The following CHCHD6 variants were observed in gnomAD, a reference collection of about 807,000 sequenced individuals.
The protein encoded by CHCHD6 is coiled-coil-helix-coiled-coil-helix domain containing 6, also known as MICOS complex subunit MIC25.
CHCHD6 carries 28 observed loss-of-function variants against 32.3 expected under a neutral mutation model. That is an observed-to-expected ratio of 0.87 (90% CI 0.64 to 1.19). The LOEUF (loss-of-function observed/expected upper bound fraction) is 1.19, where lower values mean the gene tolerates loss of function less well. Ranked by LOEUF, CHCHD6 falls within the 50% of genes most tolerant of loss-of-function variation. The pLI, the probability that CHCHD6 is intolerant of heterozygous loss-of-function variation, is 0.00. For synonymous variants in CHCHD6, 122 were observed against 117.5 expected, an observed-to-expected ratio of 1.04 and a Z score of -0.25; for missense variants, 333 against 307.0, an observed-to-expected ratio of 1.08 and a Z score of -0.63.
At chr3:126,869,570 C>T (rs2077438787) in intron 5 of CHCHD6, among the ~76,000 whole-genome samples, 1 of 151,926 alleles carries the variant, frequency 6.6e-6, no homozygotes, top group Non-Finnish European at 1.5e-5. Flanking sequence ...CTTTGTATTT[C>T]TTCTTTTGAG....
intron 4 of CHCHD6, among the ~76,000 whole-genome samples, chr3:126,769,113 A>C (rs562946999): frequency 1.2e-4 from 18 of 152,296 alleles, no homozygotes; most frequent in African/African-American, 4.1e-4. Flanking sequence ...ATATTTGCCA[A>C]GTCCTATGTT....
chr3:126,729,551 G>A (rs148080846), intron 2 of CHCHD6, among the ~76,000 whole-genome samples: 11 of 152,212 alleles, frequency 7.2e-5, no homozygotes, highest in African/African-American at 1.9e-4. Flanking sequence ...TAAGCATGGC[G>A]AGCACTAGTG....
At chr3:126,859,528 T>C (rs1165277267) in intron 5 of CHCHD6, among the ~76,000 whole-genome samples, 2 of 152,164 alleles carry the variant, frequency 1.3e-5, no homozygotes, top group Non-Finnish European at 2.9e-5. Context: ...GACAGGGAGT[T>C]CTGTGTCCTA....
intron 5 of CHCHD6, among the ~76,000 whole-genome samples, chr3:126,904,731 C>T (rs1227251543): frequency 1.3e-5 from 2 of 152,168 alleles, no homozygotes; most frequent in South Asian, 2.1e-4. Context: ...TGACATAGAG[C>T]GATCTTTTCT....
At chr3:126,868,772 A>G (rs2077425064) in intron 5 of CHCHD6, among the ~76,000 whole-genome samples, 1 of 152,238 alleles carries the variant, frequency 6.6e-6, no homozygotes. Context: ...AAGTTACTTT[A>G]GGCTTTTCCT....
intron 4 of CHCHD6, among the ~76,000 whole-genome samples, chr3:126,832,451 C>T (rs532697196): frequency 1.3e-5 from 2 of 152,248 alleles, no homozygotes; most frequent in South Asian, 4.2e-4. Flanking sequence ...CACTCAGTGC[C>T]AGTTATCCAG....
At chr3:126,755,570 T>A (rs947205918) in intron 4 of CHCHD6, among the ~76,000 whole-genome samples, 2 of 152,204 alleles carry the variant, frequency 1.3e-5, no homozygotes, top group Non-Finnish European at 2.9e-5. Flanking sequence ...GCTCTCTTTT[T>A]GGCAGCCCGA....
chr3:126,935,972 G>GT (rs1455384749), intron 6 of CHCHD6, among the ~76,000 whole-genome samples: 2 of 152,234 alleles, frequency 1.3e-5, no homozygotes, highest in African/African-American at 4.8e-5. Flanking sequence ...GAAGTTGCTG[G>GT]TTCATGGCCC....
At chr3:126,817,658 C>T (rs1014649245) in intron 4 of CHCHD6, among the ~76,000 whole-genome samples, 23 of 152,226 alleles carry the variant, frequency 1.5e-4, no homozygotes, top group African/African-American at 4.8e-4. Flanking sequence ...TCTCCCTCTG[C>T]TGAACCTGAT....
intron 4 of CHCHD6, among the ~76,000 whole-genome samples, chr3:126,782,083 C>T (rs997262628): frequency 1.3e-5 from 2 of 152,130 alleles, no homozygotes; most frequent in Non-Finnish European, 2.9e-5. Flanking sequence ...GTGTTTAATA[C>T]TTTTGTGGCT....
At chr3:126,748,198 G>A (rs1230156601) in intron 4 of CHCHD6, among the ~76,000 whole-genome samples, 2 of 152,168 alleles carry the variant, frequency 1.3e-5, no homozygotes, top group Non-Finnish European at 2.9e-5. Context: ...TACTCTGGTT[G>A]CCTCCTGGCT....
At position 126,730,570 on chromosome 3, in the gene CHCHD6, T is replaced by C. The variant is rs1406848285; in HGVS notation, c.206T>C (p.Leu69Pro). ...TCTCTTTCCTTTGCAGAATCCACACTGCCCAGGTCGGGGAGCAGTGGTGGC... is the reference window on the plus strand; with the variant it reads ...TCTCTTTCCTTTGCAGAATCCACACCGCCCAGGTCGGGGAGCAGTGGTGGC... ...NLRAPHKEST[L>P]PRSGSSGGQQ... Residue 69 changes from leucine (L) to proline (P), a missense_variant, in exon 3 of 8, where the codon CTG (leucine) becomes CCG (proline). Leu to Pro is a moderately conservative substitution (Grantham distance 98). Coordinates refer to ENST00000290913, the MANE Select transcript of CHCHD6 (RefSeq NM_032343.3). The C allele has an allele frequency of 6.2e-7, 1 of 1,613,720 alleles. No homozygotes were observed.
At chr3:126,891,710 G>T (rs1439491108) in intron 5 of CHCHD6, among the ~76,000 whole-genome samples, 1 of 152,156 alleles carries the variant, frequency 6.6e-6, no homozygotes, top group Non-Finnish European at 1.5e-5. Flanking sequence ...GTTGTGAGAA[G>T]TGCTTGGGCT....
intron 4 of CHCHD6, among the ~76,000 whole-genome samples, chr3:126,802,836 G>A (rs1224147082): frequency 1.3e-5 from 2 of 152,214 alleles, no homozygotes; most frequent in Non-Finnish European, 2.9e-5. Flanking sequence ...TACCCACAAA[G>A]GGAAGCCCAT....
At chr3:126,770,574 A>G (rs1228858582) in intron 4 of CHCHD6, among the ~76,000 whole-genome samples, 2 of 152,186 alleles carry the variant, frequency 1.3e-5, no homozygotes, top group African/African-American at 2.4e-5. Flanking sequence ...TTCTGCATCT[A>G]TTGAGATGGT....
At chr3:126,787,215 T>C (rs1443567926) in intron 4 of CHCHD6, among the ~76,000 whole-genome samples, 3 of 152,230 alleles carry the variant, frequency 2.0e-5, no homozygotes, top group South Asian at 4.1e-4. Context: ...CCATGCTGTT[T>C]TGGTTACTGT....
chr3:126,806,347 A>G (rs1939377533), intron 4 of CHCHD6, among the ~76,000 whole-genome samples: 1 of 152,184 alleles, frequency 6.6e-6, no homozygotes, highest in Non-Finnish European at 1.5e-5. Flanking sequence ...ACTCAAACAA[A>G]TTTACAAGAA....
At chr3:126,934,536 C>CA (rs1491268081) in intron 6 of CHCHD6, among the ~76,000 whole-genome samples, 1 of 58,228 alleles carries the variant, frequency 1.7e-5, no homozygotes, top group African/African-American at 7.1e-5. Flanking sequence ...CCCCTCTCTG[C>CA]TTTTTTTTTT....
chr3:126,938,003 C>T (rs945167082), intron 6 of CHCHD6, among the ~76,000 whole-genome samples: 11 of 152,184 alleles, frequency 7.2e-5, no homozygotes, highest in Non-Finnish European at 1.5e-4. Flanking sequence ...CCAGGCTATG[C>T]GCAGAGGACA....
Sources: allele counts gnomAD v4.1 joint callset (sites outside exome capture counted in the v4.1 genomes callset), GRCh38; gene constraint gnomAD v4.1.1; transcripts MANE v1.5; gene names NCBI Gene and HGNC (gene_info 2026-07-23, HGNC 2026-07-21).